The following TBC1D22A variants were observed in gnomAD, a reference collection of about 807,000 sequenced individuals.
TBC1D22A encodes TBC1 domain family member 22A.
In TBC1D22A, 38 loss-of-function variants were observed where a neutral mutation model predicts 60.2. The observed-to-expected ratio is 0.63, with a 90% CI of 0.49 to 0.83. TBC1D22A has a LOEUF of 0.83. TBC1D22A is among the 40% of genes least tolerant of loss of function. The pLI, the probability that TBC1D22A is intolerant of heterozygous loss-of-function variation, is 0.00. For missense variants in TBC1D22A, 628 were observed against 701.0 expected, an observed-to-expected ratio of 0.90 and a Z score of 1.18; for synonymous variants, 302 against 281.7, an observed-to-expected ratio of 1.07 and a Z score of -0.72.
At chr22:46,891,777 A>C (rs924924488) in intron 6 of TBC1D22A, among the ~76,000 whole-genome samples, 1 of 152,178 alleles carries the variant, frequency 6.6e-6, no homozygotes, top group Non-Finnish European at 1.5e-5. Flanking sequence ...AGCTGATGGC[A>C]TCAGGACAGA....
chr22:47,093,668 T>C (rs768524448), intron 11 of TBC1D22A, among the ~76,000 whole-genome samples: 3 of 152,152 alleles, frequency 2.0e-5, no homozygotes, highest in Admixed American at 2.0e-4. Context: ...CCTTTCAAAT[T>C]TGAACATGAA....
intron 8 of TBC1D22A, among the ~76,000 whole-genome samples, chr22:46,962,946 G>T (rs953941271): frequency 3.3e-5 from 5 of 151,860 alleles, no homozygotes; most frequent in Non-Finnish European, 7.4e-5. Flanking sequence ...GGGTGCAGTG[G>T]CTCATGCCTG....
At position 46,788,126 on chromosome 22, in the gene TBC1D22A, CG is replaced by C. The variant is rs555847303; in HGVS notation, c.63-4390del. 4.0e-3 allele frequency among the ~76,000 whole-genome samples: 609 copies of C among 151,942 alleles called. 4 individuals are homozygous for C. Among genetic ancestry groups the C allele is most frequent in the Non-Finnish European group, 4.2e-3 (287 of 67,946 alleles). On this transcript the variant is annotated intron_variant, in intron 1 of 12. Transcript: ENST00000337137. ...TAATTTTTTGTATTTTTAGTAGAGA[CG>C]GGGTTTCACTGTGTTAGCCAGGACG...
At chr22:46,903,551 A>G (rs116266548) in intron 7 of TBC1D22A, among the ~76,000 whole-genome samples, 1 of 152,158 alleles carries the variant, frequency 6.6e-6, no homozygotes. Context: ...GCGTGAGTCT[A>G]GAGGGACCAG....
rs2067723922 is a variant in TBC1D22A at position 46,879,162 on chromosome 22, GAGA to G, written c.708+444_708+446del. Among the ~76,000 whole-genome samples, 4 of 147,330 alleles carry G rather than the reference GAGA, an allele frequency of 2.7e-5. No individual in the cohort carries two copies. The South Asian group carries it at 8.7e-4, about 32-fold the overall frequency. ...AGTATTAGTAGCGCTGTTAGGAAAA[GAGA>G]AGAAATGGATGAGACAAGTGGTTTG... On this transcript the variant is annotated intron_variant, in intron 5 of 12. Transcript: ENST00000337137.
At chr22:46,858,509 G>T (rs2087689388) in intron 4 of TBC1D22A, among the ~76,000 whole-genome samples, 1 of 152,228 alleles carries the variant, frequency 6.6e-6, no homozygotes, top group Non-Finnish European at 1.5e-5. Context: ...ACCAAGCTGG[G>T]CCTTAGAGCT....
chr22:47,120,407 A>G (rs116317771), intron 12 of TBC1D22A, among the ~76,000 whole-genome samples: 1,742 of 152,320 alleles, frequency 0.011, 34 homozygotes, highest in African/African-American at 0.039. Context: ...CTCTCCCCAT[A>G]CAGTCTGCAT....
intron 10 of TBC1D22A, among the ~76,000 whole-genome samples, chr22:47,021,368 T>G (rs1221048628): frequency 1.6e-3 from 157 of 98,410 alleles, no homozygotes; most frequent in Admixed American, 1.8e-3. Flanking sequence ...TCCACCTGTA[T>G]CCTGGAGCCC....
At chr22:46,886,744 G>GGCGGATGTTTTAGAGCACGGTTT (rs2068139829) in intron 5 of TBC1D22A, among the ~76,000 whole-genome samples, 1 of 152,212 alleles carries the variant, frequency 6.6e-6, no homozygotes, top group Non-Finnish European at 1.5e-5. Context: ...GAGCACGGTT[G>GGCGGATGTTTTAGAGCACGGTTT]GCAAATGTTT....
intron 4 of TBC1D22A, among the ~76,000 whole-genome samples, chr22:46,833,671 A>G: frequency 6.6e-6 from 1 of 152,262 alleles, no homozygotes. Flanking sequence ...GAAGGTGACA[A>G]CTGAGCAGAG....
chr22:46,902,512 T>C (rs1356002998), intron 7 of TBC1D22A, among the ~76,000 whole-genome samples: 1 of 152,266 alleles, frequency 6.6e-6, no homozygotes, highest in Non-Finnish European at 1.5e-5. Context: ...CACAGCCGCA[T>C]CCTTAGGGCG....
chr22:46,978,815 G>A (rs2148152126), intron 9 of TBC1D22A, among the ~76,000 whole-genome samples: 1 of 152,224 alleles, frequency 6.6e-6, no homozygotes, highest in South Asian at 2.1e-4. Flanking sequence ...CACTGTGTTG[G>A]CCAGGCTGGT....
chr22:46,765,957 ATGTGTGTGTGTG>A (rs747869318), intron 1 of TBC1D22A, among the ~76,000 whole-genome samples: 5,375 of 128,598 alleles, frequency 0.042, 180 homozygotes, highest in African/African-American at 0.093. Context: ...CAGCTAATTT[ATGTGTGTGTGTG>A]TGTGTGTGTG....
chr22:46,890,995 C>A (rs996491608), intron 5 of TBC1D22A, among the ~76,000 whole-genome samples: 4 of 152,114 alleles, frequency 2.6e-5, no homozygotes, highest in African/African-American at 9.7e-5. Context: ...GGACTGTTGT[C>A]CAGGTGAGTG....
rs572369452 is a variant in TBC1D22A, at chr22:47,126,139, G to A, written c.1425+14536G>A. On this transcript the variant is annotated intron_variant, in intron 12 of 12. Transcript: ENST00000337137. ...TGGGACTACAGGCACACGCTACCAC[G>A]CCCGTCTAATTTTTGAATTTTTAGT... Among the ~76,000 whole-genome samples, 4 of 152,220 alleles carry A rather than the reference G, an allele frequency of 2.6e-5. No individual in the cohort carries two copies. In the South Asian group the frequency reaches 8.3e-4, roughly 32 times the overall value.
intron 11 of TBC1D22A, among the ~76,000 whole-genome samples, chr22:47,109,759 C>T (rs1045771658): frequency 6.6e-6 from 1 of 152,122 alleles, no homozygotes; most frequent in African/African-American, 2.4e-5. Flanking sequence ...CTCTCCTACC[C>T]CAGATCTGTC....
chr22:46,920,202 C>T (rs1191780679), intron 8 of TBC1D22A, among the ~76,000 whole-genome samples: 1 of 152,134 alleles, frequency 6.6e-6, no homozygotes, highest in East Asian at 1.9e-4. Context: ...ACCTCAGCCT[C>T]CCAAGTAGCT....
At chr22:46,895,122 A>G (rs1437079137) in intron 7 of TBC1D22A, among the ~76,000 whole-genome samples, 1 of 152,184 alleles carries the variant, frequency 6.6e-6, no homozygotes, top group Non-Finnish European at 1.5e-5. Flanking sequence ...GATTGAGGAA[A>G]CAGAACCCCC....
Position 47,084,835 on chromosome 22 carries a change from G to A in TBC1D22A, c.1330-26673G>A, listed in dbSNP as rs146386557. ...GAGGAAATGATAAATGCACAATTAA[G>A]GACAGTGTTTACCTTGAAAGGATTA... On this transcript the variant is annotated intron_variant, in intron 11 of 12. Coordinates refer to ENST00000337137, the MANE Select transcript of TBC1D22A (RefSeq NM_014346.5). 2.2e-3 allele frequency among the ~76,000 whole-genome samples: 341 copies of A among 152,322 alleles called. 1 individual carries two copies. The highest frequency in any genetic ancestry group is 6.8e-3 in the Middle Eastern group (2 of 294).
Sources: allele counts gnomAD v4.1 joint callset (sites outside exome capture counted in the v4.1 genomes callset), GRCh38; gene constraint gnomAD v4.1.1; transcripts MANE v1.5; gene names NCBI Gene and HGNC (gene_info 2026-07-23, HGNC 2026-07-21).